DENND4A: variants seen among roughly 807,000 people sequenced by gnomAD.
DENND4A encodes the protein DENN domain containing 4A.
DENND4A carries 70 observed loss-of-function variants against 199.3 expected under a neutral mutation model. That is an observed-to-expected ratio of 0.35 (90% confidence interval 0.29 to 0.43). The LOEUF (loss-of-function observed/expected upper bound fraction) is 0.43, where lower values mean the gene tolerates loss of function less well. Among genes scored for constraint, DENND4A ranks in the 20% least tolerant of loss-of-function variants. The pLI is 1.00. For synonymous variants in DENND4A, 686 were observed against 766.9 expected (o/e 0.89, Z 1.74); for missense variants, 1,723 against 2,255.8 (o/e 0.76, Z 4.78).
intron 7 of DENND4A, among the ~76,000 whole-genome samples, chr15:65,736,382 C>T (rs978003044): frequency 2.6e-5 from 4 of 151,944 alleles, no homozygotes; most frequent in African/African-American, 9.7e-5. Flanking sequence ...GCCTCAGCCT[C>T]CAGAGTAGAT....
chr15:65,785,521 C>A (rs114593336), intron 1 of DENND4A, among the ~76,000 whole-genome samples: 31,643 of 145,234 alleles, frequency 0.22, 3,807 homozygotes, highest in African/African-American at 0.33. Flanking sequence ...TTATTAAATT[C>A]TTTTTGTTGT....
intron 1 of DENND4A, among the ~76,000 whole-genome samples, chr15:65,779,871 C>T (rs767399448): frequency 6.6e-6 from 1 of 151,992 alleles, no homozygotes; most frequent in Non-Finnish European, 1.5e-5. Context: ...GCTGGGATTA[C>T]AGGCGTGAGC....
At position 65,702,864 on chromosome 15, in the gene DENND4A, A is replaced by G; in HGVS notation, c.2223+9T>C. On this transcript the variant is annotated intron_variant, in intron 16 of 32. Transcript: ENST00000443035. The stretch of plus-strand genomic sequence containing the variant: ...AAAATTTGATTACATGAAGAATGTG[A>G]TAAAGTACCTGTTTTGTTCTTCTGA... 6.2e-7 allele frequency: 1 copy of G among 1,601,876 alleles called. No homozygotes were observed. The highest frequency in any genetic ancestry group is 1.1e-5 in the South Asian group (1 of 89,062).
chr15:65,748,564 A>T (rs1450532071), intron 4 of DENND4A, among the ~76,000 whole-genome samples: 1 of 151,474 alleles, frequency 6.6e-6, no homozygotes, highest in East Asian at 1.9e-4. Flanking sequence ...GGCTACAAAG[A>T]GCTATGATCA....
At position 65,702,733 on chromosome 15, in the gene DENND4A, C is replaced by T; in HGVS notation, c.2223+140G>A. The stretch of plus-strand genomic sequence containing the variant: ...TAGTTAATTTCTTGAAGTCAGATTG[C>T]TCCATCTTCACAGTGCTTTGGTGAA... On this transcript the variant is annotated intron_variant, in intron 16 of 32. Transcript: ENST00000443035. 3.2e-6 allele frequency: 3 copies of T among 942,092 alleles called. No homozygotes were observed. The South Asian group carries it at 5.2e-5, about 16-fold the overall frequency. The allele number at this position is 942,092 out of a possible 1,614,324, so 58.4% of individuals were successfully genotyped here. A position where few individuals can be genotyped will look rare whatever the true frequency, so the allele number is the denominator to read the frequency against.
At chr15:65,730,556 C>T (rs2075928293) in intron 9 of DENND4A, among the ~76,000 whole-genome samples, 1 of 152,022 alleles carries the variant, frequency 6.6e-6, no homozygotes, top group Non-Finnish European at 1.5e-5. Flanking sequence ...AAAAGAAGTA[C>T]TGATACATGA....
chr15:65,664,824 ATAAAT>A (rs1448635685), intron 30 of DENND4A, 102 bp from the exon 31 acceptor site: 3 of 1,011,404 alleles, frequency 3.0e-6, no homozygotes, highest in African/African-American at 1.6e-5. Flanking sequence ...AGCACTAAAA[ATAAAT>A]TAAGGGCAAT....
chr15:65,745,780 G>A (rs1395822620), intron 4 of DENND4A, among the ~76,000 whole-genome samples: 1 of 152,068 alleles, frequency 6.6e-6, no homozygotes, highest in African/African-American at 2.4e-5. Flanking sequence ...TGAAAAACAA[G>A]GAGTTAGAAA....
At chr15:65,700,752 C>A in intron 19 of DENND4A, 77 bp from the exon 20 acceptor site, 1 of 1,371,678 alleles carries the variant, frequency 7.3e-7, no homozygotes, top group Non-Finnish European at 9.6e-7. Context: ...AGCTAATAAT[C>A]CACCAATGTA....
Position 65,752,363 on chromosome 15 carries a change from C to A in DENND4A, c.561+16G>T. On this transcript the variant is annotated intron_variant, in intron 4 of 32. Coordinates refer to ENST00000443035, the MANE Select transcript of DENND4A (RefSeq NM_001320835.1). ...TCATCAGTGGTTAATGTTACCAGTG[C>A]AAGTAAGTCACTTACCATACTGTTA... 7.3e-7 allele frequency: 1 copy of A among 1,365,100 alleles called. No homozygotes were observed. The highest frequency in any genetic ancestry group is 9.7e-7 in the Non-Finnish European group (1 of 1,028,706). 84.6% of individuals were successfully genotyped at this position (1,365,100 alleles called of 1,614,324 possible).
intron 1 of DENND4A, chr15:65,771,853 TTCCC>T: frequency 1.9e-6 from 3 of 1,612,366 alleles, no homozygotes; most frequent in Non-Finnish European, 2.5e-6. Flanking sequence ...AGCATAAGCA[TTCCC>T]AACCTTTTTA....
chr15:65,719,940 T>C (rs2075558652), intron 12 of DENND4A, among the ~76,000 whole-genome samples: 1 of 152,038 alleles, frequency 6.6e-6, no homozygotes, highest in Admixed American at 6.6e-5. Flanking sequence ...ATTATGAGAA[T>C]GCTCAGACAA....
intron 27 of DENND4A, among the ~76,000 whole-genome samples, chr15:65,669,328 C>A (rs143512258): frequency 6.6e-6 from 1 of 152,050 alleles, no homozygotes; most frequent in Non-Finnish European, 1.5e-5. Flanking sequence ...TTATATTAGG[C>A]TTACTATATA....
chr15:65,709,719 A>AAATATATATATATATAT (rs1218030026), intron 14 of DENND4A, among the ~76,000 whole-genome samples: 3 of 51,476 alleles, frequency 5.8e-5, no homozygotes, highest in Admixed American at 2.5e-4. Flanking sequence ...AAAAAAAAAA[A>AAATATATATATATATAT]ATATATATAT....
At chr15:65,778,722 C>T (rs1384829266) in intron 1 of DENND4A, among the ~76,000 whole-genome samples, 1 of 151,786 alleles carries the variant, frequency 6.6e-6, no homozygotes, top group Non-Finnish European at 1.5e-5. Flanking sequence ...CAGTGAAACT[C>T]CGTCTCTACT....
In DENND4A at chr15:65,770,694, C is replaced by G. The variant is rs546378261; in HGVS notation, c.-101-9256G>C. ...AAAAAGTTTCATTGTTTAAAGTCCA[C>G]ATATTTGACACCTTGATAAGGAAAA... On this transcript the variant is annotated intron_variant, in intron 1 of 32. Transcript: ENST00000443035. Among the ~76,000 whole-genome samples, 6 of 152,230 alleles carry G rather than the reference C, an allele frequency of 3.9e-5. No homozygotes were observed. In the East Asian group the frequency reaches 1.2e-3, roughly 29 times the overall value.
At chr15:65,726,021 CACAA>C (rs935483083) in intron 11 of DENND4A, 19 of 152,304 alleles carry the variant, frequency 1.2e-4, no homozygotes, top group Middle Eastern at 3.4e-3. Context: ...AATTCATGAG[CACAA>C]ACAACTTATC....
In DENND4A at chr15:65,742,450, A is replaced by ATTT. The variant is rs772887480; in HGVS notation, c.562-669_562-667dup. 1.1e-3 allele frequency among the ~76,000 whole-genome samples: 148 copies of ATTT among 134,416 alleles called. 2 individuals are homozygous for ATTT. Among genetic ancestry groups the ATTT allele is most frequent in the African/African-American group, 3.7e-3 (137 of 36,614 alleles). 88.2% of individuals were successfully genotyped at this position (134,416 alleles called of 152,430 possible). ...AGGCACGTGCCACCATGACTGGCTGATTTTTTTTTTTTTTTTTGAGATAGA... is the reference window on the plus strand; with the variant it reads ...AGGCACGTGCCACCATGACTGGCTGATTTTTTTTTTTTTTTTTTTTGAGATAGA... On this transcript the variant is annotated intron_variant, in intron 4 of 32. Transcript: ENST00000443035.
At chr15:65,730,737 G>C (rs1371646652) in intron 9 of DENND4A, among the ~76,000 whole-genome samples, 1 of 151,996 alleles carries the variant, frequency 6.6e-6, no homozygotes, top group African/African-American at 2.4e-5. Context: ...GAGATGGGAG[G>C]AATTAAGGAG....
Sources: allele counts gnomAD v4.1 joint callset (sites outside exome capture counted in the v4.1 genomes callset), GRCh38; gene constraint gnomAD v4.1.1; transcripts MANE v1.5; gene names NCBI Gene and HGNC (gene_info 2026-07-23, HGNC 2026-07-21).